ST3GAL2: variants seen among roughly 807,000 people sequenced by gnomAD.
ST3GAL2 encodes the protein CMP-N-acetylneuraminate-beta-galactosamide-alpha-2,3-sialyltransferase 2.
Under a neutral mutation model 37.5 loss-of-function variants are expected in ST3GAL2, and 16 were observed. The observed-to-expected ratio is 0.43, with a 90% CI of 0.29 to 0.65. The LOEUF (loss-of-function observed/expected upper bound fraction) is 0.65. Among genes scored for constraint, ST3GAL2 ranks in the 30% least tolerant of loss-of-function variants. ST3GAL2 has a pLI of 0.17. For synonymous variants in ST3GAL2, 238 were observed against 202.9 expected (o/e 1.17, Z -1.47); for missense variants, 383 against 487.8 (o/e 0.79, Z 2.02).
intron 3 of ST3GAL2, 134 bp from the exon 4 acceptor site, chr16:70,388,680 A>C: frequency 1.1e-6 from 1 of 943,868 alleles, no homozygotes; most frequent in East Asian, 2.7e-5. Flanking sequence ...CATTGCTAGA[A>C]ATCTGCCCTA....
chr16:70,397,619 G>A (rs1333258315), intron 2 of ST3GAL2, among the ~76,000 whole-genome samples: 2 of 151,930 alleles, frequency 1.3e-5, no homozygotes, highest in African/African-American at 4.8e-5. Context: ...CCAGCTACTT[G>A]GGAGGCTGAG....
chr16:70,398,825 G>C lies in ST3GAL2; in HGVS notation c.-295C>G. ...AGGCTCTGCCTCTCCTGCCACCCTGGTGAGGGGGAGGTCAGTCCATTGCAG... is the reference window on the plus strand; with the variant it reads ...AGGCTCTGCCTCTCCTGCCACCCTGCTGAGGGGGAGGTCAGTCCATTGCAG... On this transcript the variant is annotated 5_prime_UTR_variant, in exon 2 of 7. Coordinates refer to ENST00000342907, the MANE Select transcript of ST3GAL2 (RefSeq NM_006927.4). The C allele has an allele frequency of 1.8e-6, 1 of 565,214 alleles. No homozygotes were observed. The highest frequency in any genetic ancestry group is 3.1e-6 in the Non-Finnish European group (1 of 318,426). 35.0% of individuals were successfully genotyped at this position (565,214 alleles called of 1,614,324 possible).
rs917603354 is a variant in ST3GAL2, at chr16:70,381,507, C to T, written c.*182G>A. ...CATGATTGGCTGGGAGAAACAGAAG[C>T]TCCGCCCGACCGCAGCGCAGATTGG... On this transcript the variant is annotated 3_prime_UTR_variant, in exon 7 of 7. Transcript: ENST00000342907. 3 of 692,592 alleles carry T rather than the reference C, an allele frequency of 4.3e-6. No homozygotes were observed. Among genetic ancestry groups the T allele is most frequent in the Non-Finnish European group, 7.1e-6 (3 of 425,410 alleles). 42.9% of individuals were successfully genotyped at this position (692,592 alleles called of 1,614,324 possible).
At chr16:70,413,068 G>C (rs1380862142) in intron 1 of ST3GAL2, among the ~76,000 whole-genome samples, 1 of 151,816 alleles carries the variant, frequency 6.6e-6, no homozygotes, top group Non-Finnish European at 1.5e-5. Flanking sequence ...GGCCAACATG[G>C]TGAAACCCCG....
intron 1 of ST3GAL2, among the ~76,000 whole-genome samples, chr16:70,408,934 A>T (rs1209151758): frequency 6.9e-6 from 1 of 145,626 alleles, no homozygotes; most frequent in Non-Finnish European, 1.5e-5. Context: ...AAAAGAAAGA[A>T]AAAATAAAGA....
chr16:70,403,944 G>A (rs1015121247), intron 1 of ST3GAL2, among the ~76,000 whole-genome samples: 1 of 152,086 alleles, frequency 6.6e-6, no homozygotes, highest in Non-Finnish European at 1.5e-5. Context: ...GCAGTGAGCC[G>A]TGATCATGCC....
rs1033132800 is a variant in ST3GAL2, at chr16:70,377,211, G to C, written c.*4478C>G. 10 of 144,786 alleles carry C rather than the reference G, an allele frequency of 6.9e-5. No homozygotes were observed. The highest frequency in any genetic ancestry group is 2.7e-4 in the African/African-American group (10 of 36,922). 9.0% of individuals were successfully genotyped at this position (144,786 alleles called of 1,614,324 possible). On this transcript the variant is annotated 3_prime_UTR_variant, in exon 7 of 7. Transcript: ENST00000342907. ...AAAAAAAAAAAAAAAAAAGGGTCTG[G>C]TGGCTCACGCCTGTAATCCTACCAT...
At position 70,379,091 on chromosome 16, in the gene ST3GAL2, C is replaced by A. The variant is rs1247958931; in HGVS notation, c.*2598G>T. 6.6e-6 allele frequency: 1 copy of A among 152,150 alleles called. No homozygotes were observed. The highest frequency in any genetic ancestry group is 1.5e-5 in the Non-Finnish European group (1 of 68,048). The allele number at this position is 152,150 out of a possible 1,614,324, so 9.4% of individuals were successfully genotyped here. A position where few individuals can be genotyped will look rare whatever the true frequency, so the allele number is the denominator to read the frequency against. ...GGCAGGGCTGTGCCAGAGGGGAAAA[C>A]CTGACTTAGATGCACTTCCCTGAGA... On this transcript the variant is annotated 3_prime_UTR_variant, in exon 7 of 7. Coordinates refer to ENST00000342907, the MANE Select transcript of ST3GAL2 (RefSeq NM_006927.4).
chr16:70,403,459 A>G (rs2047569185), intron 1 of ST3GAL2, among the ~76,000 whole-genome samples: 1 of 152,142 alleles, frequency 6.6e-6, no homozygotes, highest in Non-Finnish European at 1.5e-5. Flanking sequence ...AGGCGGGAGG[A>G]TCACTTGAGG....
chr16:70,416,772 T>C (rs2047679269), intron 1 of ST3GAL2, among the ~76,000 whole-genome samples: 1 of 146,934 alleles, frequency 6.8e-6, no homozygotes, highest in African/African-American at 2.7e-5. Context: ...ACAAACCAAA[T>C]TGAGCAAATC....
intron 3 of ST3GAL2, among the ~76,000 whole-genome samples, chr16:70,391,787 T>A (rs1018821910): frequency 6.6e-6 from 1 of 152,190 alleles, no homozygotes; most frequent in African/African-American, 2.4e-5. Flanking sequence ...TCTCCTTTTT[T>A]AAATAGAGAT....
At chr16:70,405,969 G>C (rs1034829792) in intron 1 of ST3GAL2, among the ~76,000 whole-genome samples, 3 of 151,846 alleles carry the variant, frequency 2.0e-5, no homozygotes, top group South Asian at 2.1e-4. Flanking sequence ...GCTGAGGCAG[G>C]AGAATGGCGT....
intron 2 of ST3GAL2, among the ~76,000 whole-genome samples, chr16:70,396,038 C>T (rs1319353633): frequency 6.7e-6 from 1 of 149,308 alleles, no homozygotes; most frequent in East Asian, 2.0e-4. Flanking sequence ...ATGGCGCGAT[C>T]TTGGCTCACC....
At chr16:70,433,855 T>C (rs1402902136) in intron 1 of ST3GAL2, among the ~76,000 whole-genome samples, 1 of 152,200 alleles carries the variant, frequency 6.6e-6, no homozygotes, top group African/African-American at 2.4e-5. Context: ...AAATCCCCTA[T>C]GCTCTAGAAA....
chr16:70,423,311 C>A (rs2151676343), intron 1 of ST3GAL2, among the ~76,000 whole-genome samples: 1 of 152,216 alleles, frequency 6.6e-6, no homozygotes, highest in East Asian at 1.9e-4. Flanking sequence ...GAGTTTGAAT[C>A]CAGCCTGGCC....
chr16:70,424,180 A>AC (rs1330288410), intron 1 of ST3GAL2, among the ~76,000 whole-genome samples: 11 of 147,894 alleles, frequency 7.4e-5, no homozygotes, highest in African/African-American at 2.5e-4. Context: ...CTTTTAGTAG[A>AC]GACGGGGTTT....
At chr16:70,427,959 A>G (rs1444397902) in intron 1 of ST3GAL2, among the ~76,000 whole-genome samples, 1 of 152,200 alleles carries the variant, frequency 6.6e-6, no homozygotes, top group Non-Finnish European at 1.5e-5. Context: ...AAATCTCATT[A>G]GATCCCCATC....
Position 70,380,863 on chromosome 16 carries a change from G to C in ST3GAL2, c.*826C>G, listed in dbSNP as rs1339172153. 1 of 153,520 alleles carries C rather than the reference G, an allele frequency of 6.5e-6. No homozygotes were observed. The highest frequency in any genetic ancestry group is 1.4e-5 in the Non-Finnish European group (1 of 69,024). The allele number at this position is 153,520 out of a possible 1,614,324, so 9.5% of individuals were successfully genotyped here. On this transcript the variant is annotated 3_prime_UTR_variant, in exon 7 of 7. Coordinates refer to ENST00000342907, the MANE Select transcript of ST3GAL2 (RefSeq NM_006927.4). ...AAGACTGGGGGTAGGGACGGAGTCG[G>C]GGGACGGGATTTTTTTCCAGAGCAA...
chr16:70,422,669 G>A (rs1445960396), intron 1 of ST3GAL2, among the ~76,000 whole-genome samples: 6 of 151,922 alleles, frequency 3.9e-5, no homozygotes, highest in African/African-American at 1.2e-4. Context: ...CACACATAAC[G>A]CCACACCCTC....
Sources: gnomAD v4.1 joint callset for allele counts (sites outside exome capture counted in the v4.1 genomes callset) on GRCh38, gnomAD v4.1.1 for gene constraint, MANE v1.5 for transcripts, NCBI Gene and HGNC (gene_info 2026-07-23, HGNC 2026-07-21) for gene names.